The following VWA5B2 variants were observed in gnomAD, a reference collection of about 807,000 sequenced individuals.
The protein encoded by VWA5B2 is von Willebrand factor A domain-containing protein 5B2.
VWA5B2 carries 93 observed loss-of-function variants against 118.5 expected under a neutral mutation model. That is an observed-to-expected ratio of 0.79 (90% confidence interval 0.66 to 0.93). VWA5B2 has a LOEUF of 0.93. Among genes scored for constraint, VWA5B2 ranks in the 40% least tolerant of loss-of-function variants. VWA5B2 has a pLI of 0.00. For synonymous variants in VWA5B2, 708 were observed against 716.3 expected (o/e 0.99, Z 0.19); for missense variants, 1,546 against 1,672.8 (o/e 0.92, Z 1.32).
chr3:184,242,086 G>C lies in VWA5B2; in HGVS notation c.*48G>C, dbSNP rs1410835418. ...CTGGCGCCCCACCCAACACACTCAA[G>C]TCACTGCCGCCCAGGGCTGGCCTCT... On this transcript the variant is annotated 3_prime_UTR_variant, in exon 20 of 20. Coordinates refer to ENST00000691901, the MANE Select transcript of VWA5B2 (RefSeq NM_001390846.1). 15 of 1,538,294 alleles carry C rather than the reference G, an allele frequency of 9.8e-6. No individual in the cohort carries two copies. The highest frequency in any genetic ancestry group is 3.3e-4 in the Middle Eastern group (2 of 5,988).
At chr3:184,236,065 C>T in intron 8 of VWA5B2, 87 bp from the exon 9 acceptor site, 1 of 1,230,770 alleles carries the variant, frequency 8.1e-7, no homozygotes, top group Non-Finnish European at 1.2e-6. Context: ...TGAATCACAG[C>T]CTGGATAACG....
In VWA5B2 at chr3:184,239,411, T is replaced by G; in HGVS notation, c.2220T>G (p.Thr740=). The change falls in exon 15 of 20, where the codon ACT becomes ACG. Residue 740 remains threonine, a synonymous_variant. Coordinates refer to ENST00000691901, the MANE Select transcript of VWA5B2 (RefSeq NM_001390846.1). This position sits in a 1 kb window ranked among gnomAD's most constrained non-coding sequence, Gnocchi z 5.1. ...ACATGCAGGTGGGGGCCTTGAGTAC[T>G]GAGGTGCTGGGCCGTCAGCACAGAG... The part of the protein sequence containing the change: ...PAPFKVGALS[T]EVLGRQHRAA... 1 of 1,545,082 alleles carries G rather than the reference T, an allele frequency of 6.5e-7. No homozygotes were observed. The highest frequency in any genetic ancestry group is 8.7e-7 in the Non-Finnish European group (1 of 1,143,002).
At position 184,240,593 on chromosome 3, in the gene VWA5B2, C is replaced by T. The variant is rs553843642; in HGVS notation, c.2741-198C>T. On this transcript the variant is annotated intron_variant, in intron 16 of 19. Transcript: ENST00000691901. ...TCTGGGCAGCCAGGGGGCTCTTGCT[C>T]TGCTATGGGTTGAAGATTCAGCCTG... is the stretch of plus-strand genomic sequence containing the variant. 21 of 720,174 alleles carry T rather than the reference C, an allele frequency of 2.9e-5. No homozygotes were observed. In the African/African-American group the frequency reaches 3.7e-4, roughly 13 times the overall value. The allele number at this position is 720,174 out of a possible 1,614,324, so 44.6% of individuals were successfully genotyped here.
chr3:184,229,899 A>G (rs1219149638), intron 1 of VWA5B2, among the ~76,000 whole-genome samples, 186 bp downstream of exon 1: 1 of 152,018 alleles, frequency 6.6e-6, no homozygotes, highest in Non-Finnish European at 1.5e-5. Context: ...CTTGCCTCCC[A>G]AAGACCCCCT....
Position 184,242,141 on chromosome 3 carries a change from G to A in VWA5B2, c.*103G>A. 1 of 1,408,776 alleles carries A rather than the reference G, an allele frequency of 7.1e-7. No homozygotes were observed. Among genetic ancestry groups the A allele is most frequent in the Non-Finnish European group, 9.6e-7 (1 of 1,046,572 alleles). The allele number at this position is 1,408,776 out of a possible 1,614,324, so 87.3% of individuals were successfully genotyped here. On this transcript the variant is annotated 3_prime_UTR_variant, in exon 20 of 20. Transcript: ENST00000691901. Reference sequence around the variant, plus strand: ...GCTGGGAAAGTGTAGGCTGGTGCCAGCCTGTCCCCCACTGCTTCTTACTCC... The same window carrying A: ...GCTGGGAAAGTGTAGGCTGGTGCCAACCTGTCCCCCACTGCTTCTTACTCC...
Position 184,238,605 on chromosome 3 carries a change from A to G in VWA5B2, c.1934A>G (p.Asn645Ser). The change falls in exon 14 of 20, where the codon AAC becomes AGC. Residue 645 changes from asparagine to serine, a missense_variant. Around this residue, in one of 3 missense-constraint regions of VWA5B2, gnomAD observed 775 missense variants for 882.3 expected, o/e 0.88. Transcript: ENST00000691901. This position sits in a 1 kb window ranked among gnomAD's most constrained non-coding sequence, Gnocchi z 5.0. ...GACCCAGTCACGGATCCTGGACCCA[A>G]CCCCTCTGACACAGCCATATGGCGC... Reference protein sequence around the residue: ...LTDPVTDPGPNPSDTAIWRRI... With the variant: ...LTDPVTDPGPSPSDTAIWRRI... The G allele has an allele frequency of 6.4e-7, 1 of 1,551,398 alleles. No homozygotes were observed. Among genetic ancestry groups the G allele is most frequent in the East Asian group, 2.4e-5 (1 of 40,906 alleles).
In VWA5B2 at chr3:184,239,374, C is replaced by T. The variant is rs780066659; in HGVS notation, c.2203-20C>T. On this transcript the variant is annotated intron_variant, in intron 14 of 19. Coordinates refer to ENST00000691901, the MANE Select transcript of VWA5B2 (RefSeq NM_001390846.1). This position sits in a 1 kb window ranked among gnomAD's most constrained non-coding sequence, Gnocchi z 5.1. ...GGGTTCTGCATTCCTTGACCAGTGGCCCCCATATCTCACATGCAGGTGGGG... is the reference window on the plus strand; with the variant it reads ...GGGTTCTGCATTCCTTGACCAGTGGTCCCCATATCTCACATGCAGGTGGGG... 4 of 1,515,610 alleles carry T rather than the reference C, an allele frequency of 2.6e-6. No homozygotes were observed. In the African/African-American group the frequency reaches 5.6e-5, roughly 21 times the overall value. 93.9% of individuals were successfully genotyped at this position (1,515,610 alleles called of 1,614,324 possible).
Position 184,239,377 on chromosome 3 carries a change from C to T in VWA5B2, c.2203-17C>T, listed in dbSNP as rs751831016. The T allele has an allele frequency of 1.3e-6, 2 of 1,524,200 alleles. No individual in the cohort carries two copies. The highest frequency in any genetic ancestry group is 1.8e-6 in the Non-Finnish European group (2 of 1,129,620). The allele number at this position is 1,524,200 out of a possible 1,614,324, so 94.4% of individuals were successfully genotyped here. A position where few individuals can be genotyped will look rare whatever the true frequency, so the allele number is the denominator to read the frequency against. On this transcript the variant is annotated splice_polypyrimidine_tract_variant and intron_variant, in intron 14 of 19. Coordinates refer to ENST00000691901, the MANE Select transcript of VWA5B2 (RefSeq NM_001390846.1). This position sits in a 1 kb window ranked among gnomAD's most constrained non-coding sequence, Gnocchi z 5.1. ...TTCTGCATTCCTTGACCAGTGGCCC[C>T]CATATCTCACATGCAGGTGGGGGCC...
At chr3:184,235,413 A>C in intron 8 of VWA5B2, 105 bp downstream of exon 8, 2 of 1,304,240 alleles carry the variant, frequency 1.5e-6, no homozygotes, top group Non-Finnish European at 1.1e-6. Context: ...TTGTTGCTTC[A>C]AACACCATCT....
At chr3:184,236,113 T>C (rs1717950663) in intron 8 of VWA5B2, 39 bp from the exon 9 acceptor site, 2 of 1,520,788 alleles carry the variant, frequency 1.3e-6, no homozygotes, top group Non-Finnish European at 1.8e-6. Flanking sequence ...TCAGGGCCCA[T>C]GGGGCCGGCC....
chr3:184,231,388 G>A (rs538416131), intron 3 of VWA5B2, among the ~76,000 whole-genome samples: 3 of 152,332 alleles, frequency 2.0e-5, no homozygotes, highest in South Asian at 4.1e-4. Context: ...AGGTACCGCT[G>A]CCGCTGGCCA....
intron 16 of VWA5B2, 133 bp from the exon 17 acceptor site, chr3:184,240,658 G>C: frequency 7.9e-7 from 1 of 1,269,466 alleles, no homozygotes; most frequent in Non-Finnish European, 1.1e-6. Flanking sequence ...AGCTGGTTCT[G>C]GGCCTAGCAA....
chr3:184,236,208 C>CGTGTTTGGG lies in VWA5B2; in HGVS notation c.1159_1167dup (p.Val387_Gly389dup). 6.4e-7 allele frequency: 1 copy of CGTGTTTGGG among 1,551,774 alleles called. No homozygotes were observed. Among genetic ancestry groups the CGTGTTTGGG allele is most frequent in the Middle Eastern group, 1.7e-4 (1 of 5,990 alleles). ...CGCCCCAGACGCTTATCAACCTGGCCGTGTTTGGGACGTTGGTGCAGCCAC... is the reference window on the plus strand; with the variant it reads ...CGCCCCAGACGCTTATCAACCTGGCCGTGTTTGGGGTGTTTGGGACGTTGGTGCAGCCAC... On this transcript the variant is annotated inframe_insertion, in exon 9 of 20. Transcript: ENST00000691901.
intron 1 of VWA5B2, among the ~76,000 whole-genome samples, 72 bp downstream of exon 1, chr3:184,229,785 C>T (rs1167151298): frequency 2.0e-5 from 3 of 152,162 alleles, no homozygotes; most frequent in South Asian, 2.1e-4. Context: ...GCGCGGGCCG[C>T]GGCCACTGCA....
chr3:184,242,284 G>C lies in VWA5B2; in HGVS notation c.*246G>C. On this transcript the variant is annotated 3_prime_UTR_variant, in exon 20 of 20. Coordinates refer to ENST00000691901, the MANE Select transcript of VWA5B2 (RefSeq NM_001390846.1). ...CTCCCTGCAACACAGTGGAAGGGTAGAGAGCCACAGTCCCCAAATCCTATG... is the reference window on the plus strand; with the variant it reads ...CTCCCTGCAACACAGTGGAAGGGTACAGAGCCACAGTCCCCAAATCCTATG... 2.7e-6 allele frequency: 2 copies of C among 738,992 alleles called. No individual in the cohort carries two copies. The highest frequency in any genetic ancestry group is 4.6e-6 in the Non-Finnish European group (2 of 433,596). 45.8% of individuals were successfully genotyped at this position (738,992 alleles called of 1,614,324 possible). A position where few individuals can be genotyped will look rare whatever the true frequency, so the allele number is the denominator to read the frequency against.
At position 184,240,002 on chromosome 3, in the gene VWA5B2, C is replaced by T; in HGVS notation, c.2706C>T (p.Ala902=). 1 of 1,548,798 alleles carries T rather than the reference C, an allele frequency of 6.5e-7. No individual in the cohort carries two copies. The highest frequency in any genetic ancestry group is 8.7e-7 in the Non-Finnish European group (1 of 1,145,978). ...TGGTCCGGGACAATGAGCAGCTGGCCCTCCGAGGAGGGGCAGAGACCACAG... is the reference window on the plus strand; with the variant it reads ...TGGTCCGGGACAATGAGCAGCTGGCTCTCCGAGGAGGGGCAGAGACCACAG... The part of the protein sequence containing the change: ...ASVVRDNEQL[A]LRGGAETTAD... The change falls in exon 16 of 20, where the codon GCC becomes GCT. Residue 902 remains alanine, a synonymous_variant. Transcript: ENST00000691901.
chr3:184,230,134 A>C (rs1347327654), intron 1 of VWA5B2, among the ~76,000 whole-genome samples: 1 of 152,044 alleles, frequency 6.6e-6, no homozygotes, highest in Admixed American at 6.5e-5. Context: ...CGCTTCCGAC[A>C]GCTGGCGGCC....
In VWA5B2 at chr3:184,238,943, A is replaced by C. The variant is rs1278324347; in HGVS notation, c.2202+70A>C. 46 of 1,392,690 alleles carry C rather than the reference A, an allele frequency of 3.3e-5. No homozygotes were observed. In the South Asian group the frequency reaches 5.7e-4, roughly 17 times the overall value. The allele number at this position is 1,392,690 out of a possible 1,614,324, so 86.3% of individuals were successfully genotyped here. A position where few individuals can be genotyped will look rare whatever the true frequency, so the allele number is the denominator to read the frequency against. On this transcript the variant is annotated intron_variant, in intron 14 of 19. Transcript: ENST00000691901. The surrounding 1 kb of genome is among the most constrained non-coding windows in gnomAD (Gnocchi z 5.0). Reference sequence around the variant, plus strand: ...TTATTTACCACCTGCTGTGCACCAGATATTATGTAGAGTTTACTATTAAGT... The same window carrying C: ...TTATTTACCACCTGCTGTGCACCAGCTATTATGTAGAGTTTACTATTAAGT...
rs950063915 is a variant in VWA5B2 at position 184,237,176 on chromosome 3, G to C, written c.1534-50G>C. On this transcript the variant is annotated intron_variant, in intron 11 of 19. Coordinates refer to ENST00000691901, the MANE Select transcript of VWA5B2 (RefSeq NM_001390846.1). The surrounding 1 kb of genome is among the most constrained non-coding windows in gnomAD (Gnocchi z 5.6). The stretch of plus-strand genomic sequence containing the variant: ...GGCAGCCTTCCTGCTCTGTCTGGCC[G>C]TATGACACCTCTTTCCTTCCCATGT... 4 of 1,532,094 alleles carry C rather than the reference G, an allele frequency of 2.6e-6. No homozygotes were observed. The highest frequency in any genetic ancestry group is 3.5e-6 in the Non-Finnish European group (4 of 1,134,748). The allele number at this position is 1,532,094 out of a possible 1,614,324, so 94.9% of individuals were successfully genotyped here.
Sources: allele counts gnomAD v4.1 joint callset (sites outside exome capture counted in the v4.1 genomes callset), GRCh38; gene constraint gnomAD v4.1.1; regional missense constraint gnomAD v4.1.1; non-coding constraint Gnocchi (gnomAD v3.1); transcripts MANE v1.5; gene names NCBI Gene and HGNC (gene_info 2026-07-23, HGNC 2026-07-21).